The following CAST variants were observed in gnomAD, a reference collection of about 807,000 sequenced individuals.
The protein encoded by CAST is MIR583 host.
CAST carries 76 observed loss-of-function variants against 119.6 expected under a neutral mutation model. The observed-to-expected ratio is 0.64, with a 90% CI of 0.53 to 0.77. The LOEUF is 0.77. Among genes scored for constraint, CAST ranks in the 30% least tolerant of loss-of-function variants. The probability of loss-of-function intolerance (pLI) is 0.00; values close to 1 mark genes in which losing one functional copy is unlikely to be tolerated. For missense variants in CAST, 953 were observed against 946.5 expected (o/e 1.01, Z -0.09); for synonymous variants, 319 against 331.6 (o/e 0.96, Z 0.41).
At chr5:95,983,700 T>C in the CAST span, among the ~76,000 whole-genome samples, 7 of 152,342 alleles carry the variant, frequency 4.6e-5, no homozygotes, top group East Asian at 1.3e-3. Context: ...TTCATATGTG[T>C]GTACATATTT....
At chr5:96,038,742 G>T in the CAST span, among the ~76,000 whole-genome samples, 2 of 152,106 alleles carry the variant, frequency 1.3e-5, no homozygotes, top group African/African-American at 2.4e-5. Flanking sequence ...TGGTGTATAT[G>T]TGCCACATTT....
the CAST span, among the ~76,000 whole-genome samples, chr5:96,463,838 C>A: frequency 1.3e-5 from 2 of 152,076 alleles, no homozygotes; most frequent in African/African-American, 4.8e-5. Flanking sequence ...TCTTTCACCA[C>A]CTCTGTTCAT....
chr5:96,686,480 G>A (rs879279124), intron 2 of CAST, among the ~76,000 whole-genome samples: 1 of 152,122 alleles, frequency 6.6e-6, no homozygotes, highest in Non-Finnish European at 1.5e-5. Context: ...CAGTGTGGGG[G>A]GTGCAGGAAG....
intron 1 of CAST, among the ~76,000 whole-genome samples, chr5:96,648,843 G>A (rs761416474): frequency 3.3e-5 from 5 of 151,948 alleles, no homozygotes; most frequent in South Asian, 2.1e-4. Flanking sequence ...GCTCTGAGAC[G>A]CCTACTCAGT....
At chr5:96,406,028 T>C in the CAST span, among the ~76,000 whole-genome samples, 50 of 152,170 alleles carry the variant, frequency 3.3e-4, no homozygotes, top group Non-Finnish European at 1.3e-4. Context: ...CTATAATCCA[T>C]AGGACCCTAT....
chr5:96,105,252 A>G, the CAST span, among the ~76,000 whole-genome samples: 526 of 152,218 alleles, frequency 3.5e-3, 2 homozygotes, highest in African/African-American at 4.5e-3. Flanking sequence ...GATTGCCCTG[A>G]CCAGAGCTTC....
At chr5:96,575,883 T>A (rs1335070920) in intron 1 of CAST, among the ~76,000 whole-genome samples, 1 of 152,180 alleles carries the variant, frequency 6.6e-6, no homozygotes, top group Non-Finnish European at 1.5e-5. Flanking sequence ...GCTCAAGGGA[T>A]CTTCCCACCT....
chr5:96,552,808 AAAAG>A (rs1746160591), intron 1 of CAST, among the ~76,000 whole-genome samples: 1 of 152,204 alleles, frequency 6.6e-6, no homozygotes, highest in Non-Finnish European at 1.5e-5. Context: ...TAGAAAATCT[AAAAG>A]AAATTGATAA....
the CAST span, among the ~76,000 whole-genome samples, chr5:96,323,356 A>C: frequency 3.3e-5 from 5 of 152,166 alleles, no homozygotes; most frequent in Admixed American, 6.5e-5. Flanking sequence ...TCCAGAGAAC[A>C]TTGTCACTGA....
At chr5:96,260,868 A>G in the CAST span, among the ~76,000 whole-genome samples, 1 of 152,218 alleles carries the variant, frequency 6.6e-6, no homozygotes, top group Non-Finnish European at 1.5e-5. Flanking sequence ...AAAGTTGACC[A>G]AGTCAGTGTC....
the CAST span, among the ~76,000 whole-genome samples, chr5:96,144,908 C>T: frequency 1.3e-5 from 2 of 152,050 alleles, no homozygotes; most frequent in Admixed American, 6.5e-5. Flanking sequence ...ATACCGAACA[C>T]TTTGCTGGGT....
the CAST span, among the ~76,000 whole-genome samples, chr5:96,435,535 C>T: frequency 6.6e-6 from 1 of 152,204 alleles, no homozygotes; most frequent in African/African-American, 2.4e-5. Flanking sequence ...AGGGCTAGTC[C>T]TACCCTGATT....
chr5:96,758,768 G>A (rs1485566336), intron 24 of CAST, among the ~76,000 whole-genome samples: 4 of 152,100 alleles, frequency 2.6e-5, no homozygotes, highest in African/African-American at 7.2e-5. Flanking sequence ...ACCTCATCCC[G>A]TGACCTTCCT....
chr5:96,180,598 A>T, the CAST span, among the ~76,000 whole-genome samples: 1 of 152,244 alleles, frequency 6.6e-6, no homozygotes. Flanking sequence ...AAACGAGAAA[A>T]GGGGAAATTT....
chr5:96,018,359 A>G, the CAST span, among the ~76,000 whole-genome samples: 1 of 152,254 alleles, frequency 6.6e-6, no homozygotes. Flanking sequence ...GTTTAGATTA[A>G]GTAAGCATAG....
Position 96,534,714 on chromosome 5 carries a change from GGAGAGAGAGA to G in CAST, c.60+4853_60+4862del, listed in dbSNP as rs1233360638. On this transcript the variant is annotated intron_variant, in intron 1 of 11. Coordinates refer to the CAST transcript ENST00000505143. ...AGGAAGGAAGGAAGGAAGGAAGGAA[GGAGAGAGAGA>G]GAGAGAGAGAGAGAGAGAAAGAAAG... Among the ~76,000 whole-genome samples the G allele has an allele frequency of 2.1e-4, 3 of 13,966 alleles. 1 individual carries two copies. Among genetic ancestry groups the G allele is most frequent in the African/African-American group, 5.5e-4 (3 of 5,472 alleles). 9.2% of individuals were successfully genotyped at this position (13,966 alleles called of 152,430 possible).
At chr5:96,624,438 G>T (rs1747681791) in intron 1 of CAST, among the ~76,000 whole-genome samples, 1 of 152,190 alleles carries the variant, frequency 6.6e-6, no homozygotes, top group Non-Finnish European at 1.5e-5. Context: ...TGCATGTAAT[G>T]ATCTGGAAGG....
At chr5:96,238,721 T>G in the CAST span, among the ~76,000 whole-genome samples, 1 of 152,068 alleles carries the variant, frequency 6.6e-6, no homozygotes, top group Non-Finnish European at 1.5e-5. Context: ...TTTTAATAGC[T>G]GCATAGTTTT....
chr5:95,982,384 A>G, the CAST span, among the ~76,000 whole-genome samples: 1 of 152,076 alleles, frequency 6.6e-6, no homozygotes, highest in Admixed American at 6.6e-5. Flanking sequence ...CCACTAGCAC[A>G]ATCAAAATAT....
Sources: gnomAD v4.1 joint callset for allele counts (sites outside exome capture counted in the v4.1 genomes callset) on GRCh38, gnomAD v4.1.1 for gene constraint, MANE v1.5 for transcripts, NCBI Gene and HGNC (gene_info 2026-07-23, HGNC 2026-07-21) for gene names.